KDM7A: variants seen among roughly 807,000 people sequenced by gnomAD.
KDM7A encodes the protein lysine demethylase 7A.
In KDM7A, 28 loss-of-function variants were observed where a neutral mutation model predicts 114.8. The observed-to-expected ratio is 0.24, with a 90% CI of 0.18 to 0.33. KDM7A has a LOEUF of 0.33. Among genes scored for constraint, KDM7A ranks in the 10% least tolerant of loss-of-function variants. The pLI is 1.00. For synonymous variants in KDM7A, 423 were observed against 397.8 expected, an observed-to-expected ratio of 1.06 and a Z score of -0.75; for missense variants, 942 against 1,142.5, an observed-to-expected ratio of 0.82 and a Z score of 2.53.
intron 9 of KDM7A, among the ~76,000 whole-genome samples, chr7:140,116,907 A>G (rs931083870): frequency 6.6e-6 from 1 of 152,216 alleles, no homozygotes; most frequent in Non-Finnish European, 1.5e-5. Context: ...AACACAGTAA[A>G]GAGTTTCAGG....
In KDM7A at chr7:140,176,614, G is replaced by A. The variant is rs1794712545; in HGVS notation, c.194+130C>T. The A allele has an allele frequency of 9.6e-6, 6 of 625,970 alleles. No individual in the cohort carries two copies. Among genetic ancestry groups the A allele is most frequent in the Non-Finnish European group, 1.0e-5 (5 of 502,364 alleles). 38.8% of individuals were successfully genotyped at this position (625,970 alleles called of 1,614,324 possible). A position where few individuals can be genotyped will look rare whatever the true frequency, so the allele number is the denominator to read the frequency against. On this transcript the variant is annotated intron_variant, in intron 1 of 19. Transcript: ENST00000397560. The surrounding 1 kb of genome is among the most constrained non-coding windows in gnomAD (Gnocchi z 4.4). ...CCCCACTGCCCGGCCGGGGGGCTAG[G>A]CACCGGGGCCCCCTGAAAGCTGGGC...
At chr7:140,148,233 AAG>A (rs1193895142) in intron 1 of KDM7A, among the ~76,000 whole-genome samples, 9 of 151,766 alleles carry the variant, frequency 5.9e-5, no homozygotes, top group Admixed American at 1.3e-4. Context: ...AAAAAAAAAA[AAG>A]AGAGAATTTG....
intron 1 of KDM7A, among the ~76,000 whole-genome samples, chr7:140,146,931 G>A (rs1794345636): frequency 6.6e-6 from 1 of 152,078 alleles, no homozygotes; most frequent in Non-Finnish European, 1.5e-5. Flanking sequence ...CTTGGTGTTA[G>A]AAGAGTGGGT....
At chr7:140,158,102 T>TC (rs1794479227) in intron 1 of KDM7A, among the ~76,000 whole-genome samples, 1 of 152,074 alleles carries the variant, frequency 6.6e-6, no homozygotes, top group Non-Finnish European at 1.5e-5. Context: ...TAAGAGATGT[T>TC]CCCCAGAGAA....
chr7:140,132,748 A>C (rs6464552), intron 3 of KDM7A, among the ~76,000 whole-genome samples: 1 of 152,094 alleles, frequency 6.6e-6, no homozygotes, highest in African/African-American at 2.4e-5. Flanking sequence ...ATGTTTCTGC[A>C]TAAGGATTAA....
rs1817910511 is a variant in KDM7A, at chr7:140,085,414, A to C, written c.*5680T>G. ...CATCACCCCCCAAAAAAACTTGCTG[A>C]AGCACTGGCAAAGTTAGACATTTCA... On this transcript the variant is annotated 3_prime_UTR_variant, in exon 20 of 20. Transcript: ENST00000397560. 1 of 152,216 alleles carries C rather than the reference A, an allele frequency of 6.6e-6. No individual in the cohort carries two copies. The highest frequency in any genetic ancestry group is 1.5e-5 in the Non-Finnish European group (1 of 68,046). The allele number at this position is 152,216 out of a possible 1,614,324, so 9.4% of individuals were successfully genotyped here. A position where few individuals can be genotyped will look rare whatever the true frequency, so the allele number is the denominator to read the frequency against.
rs867098773 is a variant in KDM7A at position 140,115,045 on chromosome 7, C to T, written c.1247-1463G>A. 4.9e-4 allele frequency among the ~76,000 whole-genome samples: 74 copies of T among 151,836 alleles called. 1 individual carries two copies. The highest frequency in any genetic ancestry group is 1.8e-3 in the African/African-American group (73 of 41,400). On this transcript the variant is annotated intron_variant, in intron 9 of 19. Transcript: ENST00000397560. ...GCCCCGTCCAGGAGGTTGGGGGCAG[C>T]CCCTGCTCGGCCAGCCGCCCCATCC...
At chr7:140,115,790 T>TA (rs1818516746) in intron 9 of KDM7A, among the ~76,000 whole-genome samples, 1 of 92,856 alleles carries the variant, frequency 1.1e-5, no homozygotes, top group Admixed American at 1.1e-4. Context: ...GAATTATCAA[T>TA]AAAAAAATAA....
chr7:140,147,407 A>G (rs938747749), intron 1 of KDM7A, among the ~76,000 whole-genome samples: 2 of 152,216 alleles, frequency 1.3e-5, no homozygotes, highest in Non-Finnish European at 2.9e-5. Flanking sequence ...ACAGCTGGTA[A>G]AAACGGAAAG....
At chr7:140,149,609 G>A (rs1278149213) in intron 1 of KDM7A, among the ~76,000 whole-genome samples, 1 of 152,036 alleles carries the variant, frequency 6.6e-6, no homozygotes, top group Non-Finnish European at 1.5e-5. Context: ...TACCTGGCTG[G>A]GTATGAGGAA....
In KDM7A at chr7:140,085,518, T is replaced by A. The variant is rs1015924069; in HGVS notation, c.*5576A>T. On this transcript the variant is annotated 3_prime_UTR_variant, in exon 20 of 20. Transcript: ENST00000397560. ...CTCTTTCCACAGCATGAAACTGTTA[T>A]GGCTTAATTTATATTAAAAGTAGAA... 1 of 152,222 alleles carries A rather than the reference T, an allele frequency of 6.6e-6. No individual in the cohort carries two copies. The highest frequency in any genetic ancestry group is 1.5e-5 in the Non-Finnish European group (1 of 68,040). The allele number at this position is 152,222 out of a possible 1,614,324, so 9.4% of individuals were successfully genotyped here.
At chr7:140,108,453 T>C (rs929361212) in intron 11 of KDM7A, among the ~76,000 whole-genome samples, 3 of 152,220 alleles carry the variant, frequency 2.0e-5, no homozygotes, top group Admixed American at 1.3e-4. Context: ...GACCTAGAGA[T>C]GGGGTTTTGG....
At chr7:140,139,076 C>T (rs752764286) in intron 2 of KDM7A, 29 bp downstream of exon 2, 4 of 1,435,376 alleles carry the variant, frequency 2.8e-6, no homozygotes, top group Non-Finnish European at 3.9e-6. Flanking sequence ...TCTGAAATGT[C>T]CATTTTTATT....
chr7:140,128,987 A>T (rs1236031842), intron 4 of KDM7A, among the ~76,000 whole-genome samples: 3 of 152,240 alleles, frequency 2.0e-5, no homozygotes, highest in African/African-American at 7.2e-5. Context: ...AGACATCATT[A>T]AATGGCAATA....
At chr7:140,098,151 C>G (rs1292978926) in intron 14 of KDM7A, among the ~76,000 whole-genome samples, 3 of 152,214 alleles carry the variant, frequency 2.0e-5, no homozygotes, top group African/African-American at 4.8e-5. Flanking sequence ...TGTGCAAAGA[C>G]AGAGTCACCA....
chr7:140,129,457 T>C (rs1407066823), intron 4 of KDM7A, 36 bp downstream of exon 4: 3 of 1,534,522 alleles, frequency 2.0e-6, no homozygotes, highest in South Asian at 2.3e-5. Context: ...ACTTTTACCA[T>C]GTTTTCCCAG....
Position 140,176,358 on chromosome 7 carries a change from C to A in KDM7A, c.194+386G>T, listed in dbSNP as rs1794707691. 7.3e-6 allele frequency among the ~76,000 whole-genome samples: 1 copy of A among 136,382 alleles called. No homozygotes were observed. Among genetic ancestry groups the A allele is most frequent in the South Asian group, 2.6e-4 (1 of 3,838 alleles). The allele number at this position is 136,382 out of a possible 152,430, so 89.5% of individuals were successfully genotyped here. A position where few individuals can be genotyped will look rare whatever the true frequency, so the allele number is the denominator to read the frequency against. On this transcript the variant is annotated intron_variant, in intron 1 of 19. Transcript: ENST00000397560. This position sits in a 1 kb window ranked among gnomAD's most constrained non-coding sequence, Gnocchi z 4.4. ...GGCCGGAGCCCCGGGCGCGGCGGGG[C>A]GGGGCGGGGCGGCGGCGGCCCGGGC...
At chr7:140,091,277 G>T in intron 19 of KDM7A, 89 bp from the exon 20 acceptor site, 1 of 890,596 alleles carries the variant, frequency 1.1e-6, no homozygotes, top group Non-Finnish European at 1.9e-6. Flanking sequence ...TTTCTTTATG[G>T]GAAGTAAGCC....
At chr7:140,128,253 G>A (rs1818736393) in intron 4 of KDM7A, among the ~76,000 whole-genome samples, 1 of 152,190 alleles carries the variant, frequency 6.6e-6, no homozygotes, top group Admixed American at 6.5e-5. Flanking sequence ...CCACTGCACT[G>A]CTACACTAGG....
Sources: gnomAD v4.1 joint callset for allele counts (sites outside exome capture counted in the v4.1 genomes callset) on GRCh38, gnomAD v4.1.1 for gene constraint, Gnocchi (gnomAD v3.1) non-coding constraint, MANE v1.5 for transcripts, NCBI Gene and HGNC (gene_info 2026-07-23, HGNC 2026-07-21) for gene names.